The following COL25A1 variants were observed in gnomAD, a reference collection of about 807,000 sequenced individuals.
The protein encoded by COL25A1 is collagen type XXV alpha 1 chain.
A neutral mutation model predicts 128.4 loss-of-function variants in COL25A1; 103 were observed. That is an observed-to-expected ratio of 0.80 (90% CI 0.68 to 0.94). The LOEUF is 0.94. Ranked by LOEUF, COL25A1 falls within the 40% of genes least tolerant of loss-of-function variation. The pLI is 0.00. For missense variants in COL25A1, 745 were observed against 840.0 expected, an observed-to-expected ratio of 0.89 and a Z score of 1.40; for synonymous variants, 279 against 277.2, an observed-to-expected ratio of 1.01 and a Z score of -0.06.
chr4:108,869,463 T>C (rs1026039962), intron 19 of COL25A1, among the ~76,000 whole-genome samples: 2 of 152,088 alleles, frequency 1.3e-5, no homozygotes. Context: ...GAAGTACAGG[T>C]AACCTGCGGG....
intron 30 of COL25A1, among the ~76,000 whole-genome samples, chr4:108,842,743 G>C (rs552956783): frequency 2.6e-4 from 40 of 152,148 alleles, no homozygotes; most frequent in African/African-American, 7.9e-4. Flanking sequence ...ATATGAACAG[G>C]CTGTAGCATT....
intron 6 of COL25A1, among the ~76,000 whole-genome samples, chr4:109,000,279 C>T (rs1204442275): frequency 6.6e-6 from 1 of 152,092 alleles, no homozygotes; most frequent in Non-Finnish European, 1.5e-5. Context: ...TATTTCAGTC[C>T]TCACACTGTT....
intron 3 of COL25A1, among the ~76,000 whole-genome samples, chr4:109,083,440 C>G (rs1440281431): frequency 8.0e-6 from 1 of 125,064 alleles, no homozygotes; most frequent in African/African-American, 3.2e-5. Context: ...AACTTTTACA[C>G]TAAATAAATT....
At chr4:109,086,893 G>T (rs6851437) in intron 3 of COL25A1, among the ~76,000 whole-genome samples, 35,076 of 151,914 alleles carry the variant, frequency 0.23, 5,219 homozygotes, top group African/African-American at 0.4. Context: ...TCAAAATACC[G>T]CAAATAAGTT....
chr4:108,854,237 A>C (rs1215060580), intron 24 of COL25A1, among the ~76,000 whole-genome samples: 5 of 152,206 alleles, frequency 3.3e-5, no homozygotes, highest in East Asian at 1.9e-4. Flanking sequence ...TTAAAGATTT[A>C]AATGTAAAAC....
intron 3 of COL25A1, among the ~76,000 whole-genome samples, chr4:109,053,491 T>C (rs1354744715): frequency 6.6e-6 from 1 of 152,116 alleles, no homozygotes; most frequent in Non-Finnish European, 1.5e-5. Context: ...GAAGGAAACA[T>C]ATGCCACTCC....
chr4:108,883,192 A>AT (rs1254659306), intron 19 of COL25A1, among the ~76,000 whole-genome samples: 3 of 151,704 alleles, frequency 2.0e-5, no homozygotes, highest in Admixed American at 6.6e-5. Context: ...CACTCAGATA[A>AT]TTTTTTTTGT....
At chr4:109,156,240 A>C (rs1230465436) in intron 3 of COL25A1, among the ~76,000 whole-genome samples, 2 of 152,208 alleles carry the variant, frequency 1.3e-5, no homozygotes, top group Non-Finnish European at 2.9e-5. Flanking sequence ...TTTCTCAAGC[A>C]CGTTGTCTTT....
intron 13 of COL25A1, 150 bp from the exon 14 acceptor site, chr4:108,901,322 C>T (rs1742828508): frequency 1.6e-6 from 1 of 623,130 alleles, no homozygotes; most frequent in East Asian, 2.8e-5. Context: ...CTTCCATGGT[C>T]CAAAACGCTG....
At chr4:109,159,301 GTGGGTAAC>G (rs1386203194) in intron 3 of COL25A1, among the ~76,000 whole-genome samples, 1 of 151,848 alleles carries the variant, frequency 6.6e-6, no homozygotes, top group Non-Finnish European at 1.5e-5. Flanking sequence ...AATTACTTAA[GTGGGTAAC>G]TGGGTTACGA....
At chr4:109,127,040 T>C (rs556098669) in intron 3 of COL25A1, among the ~76,000 whole-genome samples, 7 of 152,286 alleles carry the variant, frequency 4.6e-5, no homozygotes, top group Admixed American at 3.9e-4. Flanking sequence ...GAGAAAGAGA[T>C]AAAAGCTTCA....
At position 109,060,641 on chromosome 4, in the gene COL25A1, T is replaced by C. The variant is rs1474311692; in HGVS notation, c.368-10462A>G. Among the ~76,000 whole-genome samples, 6 of 151,180 alleles carry C rather than the reference T, an allele frequency of 4.0e-5. 1 individual carries two copies. The highest frequency in any genetic ancestry group is 1.5e-4 in the African/African-American group (6 of 40,924). Reference sequence around the variant, plus strand: ...TGTCTAGGAAGTCCTTCGCAGATGGTACCTTCCACACGTTGGGTGCTCAGT... The same window carrying C: ...TGTCTAGGAAGTCCTTCGCAGATGGCACCTTCCACACGTTGGGTGCTCAGT... On this transcript the variant is annotated intron_variant, in intron 3 of 37. Coordinates refer to ENST00000399132, the MANE Select transcript of COL25A1 (RefSeq NM_198721.4).
Position 109,236,876 on chromosome 4 carries a change from A to G in COL25A1, c.367+63707T>C, listed in dbSNP as rs556773963. On this transcript the variant is annotated intron_variant, in intron 3 of 37. Coordinates refer to ENST00000399132, the MANE Select transcript of COL25A1 (RefSeq NM_198721.4). ...ACAGGAATTGATATGCAAAATAGCC[A>G]GACTAGACTCTTTTTGCTCCTCTAA... Among the ~76,000 whole-genome samples the G allele has an allele frequency of 1.0e-3, 157 of 152,174 alleles. 1 individual carries two copies. Among genetic ancestry groups the G allele is most frequent in the African/African-American group, 3.5e-3 (147 of 41,548 alleles).
intron 3 of COL25A1, among the ~76,000 whole-genome samples, chr4:109,182,874 A>G (rs753217167): frequency 6.6e-6 from 1 of 152,088 alleles, no homozygotes; most frequent in Non-Finnish European, 1.5e-5. Flanking sequence ...ATAAGGGGAA[A>G]AAAGGTTTCC....
chr4:109,077,195 C>T (rs570123614), intron 3 of COL25A1, among the ~76,000 whole-genome samples: 15 of 152,088 alleles, frequency 9.9e-5, no homozygotes, highest in Admixed American at 6.6e-4. Flanking sequence ...CAAAGCAGGA[C>T]GCATTAAAGT....
intron 3 of COL25A1, among the ~76,000 whole-genome samples, chr4:109,055,306 A>G (rs1170313554): frequency 1.3e-5 from 2 of 152,210 alleles, no homozygotes; most frequent in African/African-American, 2.4e-5. Context: ...TCTGCTCAGA[A>G]CCTGGACCAT....
At chr4:109,182,015 A>T (rs1430605797) in intron 3 of COL25A1, among the ~76,000 whole-genome samples, 1 of 152,098 alleles carries the variant, frequency 6.6e-6, no homozygotes, top group Non-Finnish European at 1.5e-5. Flanking sequence ...TTATGTTGCC[A>T]CAAATGCCGA....
intron 35 of COL25A1, among the ~76,000 whole-genome samples, chr4:108,820,132 A>G (rs1009746873): frequency 2.0e-5 from 3 of 152,196 alleles, no homozygotes; most frequent in Non-Finnish European, 2.9e-5. Flanking sequence ...GGAGGCTTAA[A>G]AGCTGATACA....
chr4:109,199,028 G>C (rs1776343762), intron 3 of COL25A1, among the ~76,000 whole-genome samples: 1 of 152,158 alleles, frequency 6.6e-6, no homozygotes, highest in Non-Finnish European at 1.5e-5. Context: ...TAAACTGTTA[G>C]TTTGAGATTT....
Sources: gnomAD v4.1 joint callset for allele counts (sites outside exome capture counted in the v4.1 genomes callset) on GRCh38, gnomAD v4.1.1 for gene constraint, MANE v1.5 for transcripts, NCBI Gene and HGNC (gene_info 2026-07-23, HGNC 2026-07-21) for gene names.